The following SVEP1 variants were observed in gnomAD, a reference collection of about 807,000 sequenced individuals.
SVEP1 encodes sushi, von Willebrand factor type A, EGF and pentraxin domain-containing protein 1.
A neutral mutation model predicts 367.3 loss-of-function variants in SVEP1; 164 were observed. The ratio of observed to expected loss-of-function variants is 0.45; its 90% CI spans 0.39 to 0.51. The LOEUF (loss-of-function observed/expected upper bound fraction) is 0.51. SVEP1 is among the 20% of genes least tolerant of loss of function. The pLI is 0.00. For missense variants in SVEP1, 4,117 were observed against 4,425.3 expected, an observed-to-expected ratio of 0.93 and a Z score of 1.98; for synonymous variants, 1,666 against 1,611.6, an observed-to-expected ratio of 1.03 and a Z score of -0.81.
intron 18 of SVEP1, among the ~76,000 whole-genome samples, chr9:110,465,285 T>C (rs1828917172): frequency 6.7e-6 from 1 of 150,260 alleles, no homozygotes; most frequent in Non-Finnish European, 1.5e-5. Flanking sequence ...AATAATCACC[T>C]GGGGAAACTT....
chr9:110,479,872 T>C, intron 12 of SVEP1, 116 bp from the exon 13 acceptor site: 1 of 1,421,808 alleles, frequency 7.0e-7, no homozygotes, highest in Non-Finnish European at 9.5e-7. Flanking sequence ...GTGGGATTGT[T>C]ATAAAAACAA....
At chr9:110,488,713 A>G (rs1269143625) in intron 9 of SVEP1, among the ~76,000 whole-genome samples, 1 of 151,836 alleles carries the variant, frequency 6.6e-6, no homozygotes, top group East Asian at 1.9e-4. Context: ...AATTAAAAAA[A>G]AACAAAACAA....
intron 26 of SVEP1, among the ~76,000 whole-genome samples, chr9:110,444,827 G>A (rs964783757): frequency 6.6e-6 from 1 of 152,102 alleles, no homozygotes; most frequent in Non-Finnish European, 1.5e-5. Context: ...TCAAGGAGGC[G>A]ACAGATTCTC....
intron 3 of SVEP1, among the ~76,000 whole-genome samples, chr9:110,528,973 T>A (rs1829981179): frequency 6.6e-6 from 1 of 152,054 alleles, no homozygotes; most frequent in Admixed American, 6.6e-5. Flanking sequence ...GGACAGTTTT[T>A]CCTAGGTTTA....
chr9:110,506,693 T>G (rs368333063), intron 5 of SVEP1, among the ~76,000 whole-genome samples: 18 of 152,318 alleles, frequency 1.2e-4, no homozygotes, highest in African/African-American at 3.8e-4. Flanking sequence ...TGTCCTACAC[T>G]TCTTGTCCTC....
intron 40 of SVEP1, among the ~76,000 whole-genome samples, chr9:110,395,957 T>C (rs866331163): frequency 4.7e-3 from 680 of 145,864 alleles, no homozygotes; most frequent in African/African-American, 0.015. Flanking sequence ...GACAGAAAGT[T>C]AACAAGGATA....
chr9:110,442,378 G>T (rs966874372), intron 27 of SVEP1: 5 of 152,054 alleles, frequency 3.3e-5, no homozygotes, highest in Non-Finnish European at 5.9e-5. Flanking sequence ...ACATTCACAA[G>T]TAGATCAATT....
At chr9:110,557,051 C>T (rs1268132313) in intron 1 of SVEP1, among the ~76,000 whole-genome samples, 2 of 152,132 alleles carry the variant, frequency 1.3e-5, no homozygotes, top group Non-Finnish European at 2.9e-5. Context: ...TTTCACCACG[C>T]CTTGTCTGTT....
intron 2 of SVEP1, among the ~76,000 whole-genome samples, chr9:110,547,219 C>A (rs930732285): frequency 2.6e-5 from 4 of 152,258 alleles, no homozygotes; most frequent in African/African-American, 9.6e-5. Context: ...ACCAGTGCAA[C>A]CAGGTACCCT....
rs1330999409 is a variant in SVEP1, at chr9:110,549,936, T to C, written c.700A>G (p.Met234Val). The change falls in exon 2 of 48, where the codon ATG (methionine) becomes GTG (valine). Residue 234 changes from methionine (M) to valine (V), a missense_variant. Physicochemically the swap from Met to Val is conservative, Grantham distance 21. This residue lies in a region of SVEP1 where 2,174 missense variants were observed against 2,494.3 expected (regional missense o/e 0.87). Transcript: ENST00000374469. ...TGCTCCTCCTTTGGGGTGGAAGCCA[T>C]GTCATTCAGCTCTCGAATGTTCCCT... ...WQGNIRELND[M>V]ASTPKEEHCY... is the part of the protein sequence containing the mutation. 1.2e-5 allele frequency: 20 copies of C among 1,613,920 alleles called. No individual in the cohort carries two copies. Among genetic ancestry groups the C allele is most frequent in the Non-Finnish European group, 1.4e-5 (17 of 1,179,902 alleles).
In SVEP1 at chr9:110,395,367, AG is replaced by A. The variant is rs1184178028; in HGVS notation, c.9822+5486del. On this transcript the variant is annotated intron_variant, in intron 40 of 47. Transcript: ENST00000374469. ...CCTGAAGGAAGCACTAAACATGGAA[AG>A]GAACAACCAGTACCACCCACTGCAA... is the stretch of plus-strand genomic sequence containing the variant. Among the ~76,000 whole-genome samples the A allele has an allele frequency of 3.3e-5, 5 of 152,220 alleles. No homozygotes were observed. The East Asian group carries it at 9.6e-4, about 29-fold the overall frequency.
chr9:110,557,927 A>G (rs959398683), intron 1 of SVEP1, among the ~76,000 whole-genome samples: 1 of 152,200 alleles, frequency 6.6e-6, no homozygotes, highest in African/African-American at 2.4e-5. Flanking sequence ...GTTCTGTTAC[A>G]TACAGTAGCC....
intron 39 of SVEP1, among the ~76,000 whole-genome samples, chr9:110,402,295 T>C (rs1827876039): frequency 6.6e-6 from 1 of 152,194 alleles, no homozygotes. Context: ...AAGAGTTTTG[T>C]AACTCTGTGA....
rs766911462 is a variant in SVEP1 at position 110,406,141 on chromosome 9, C to T, written c.9440+19G>A. 1 of 1,537,402 alleles carries T rather than the reference C, an allele frequency of 6.5e-7. No homozygotes were observed. Among genetic ancestry groups the T allele is most frequent in the Admixed American group, 2.1e-5 (1 of 47,474 alleles). ...AATCCTGCCCGCACCCCTTGGAGAC[C>T]CTAGAGCCATGATCTTACCTGAGTT... On this transcript the variant is annotated intron_variant, in intron 38 of 47. Transcript: ENST00000374469.
chr9:110,377,433 T>C (rs7873506), intron 44 of SVEP1, 67 bp from the exon 45 acceptor site: 314,399 of 1,456,342 alleles, frequency 0.22, 35,379 homozygotes, highest in East Asian at 0.37. Flanking sequence ...GAAAATAGAA[T>C]TGCCCCTTTA....
At chr9:110,521,916 G>A (rs942257372) in intron 3 of SVEP1, among the ~76,000 whole-genome samples, 1 of 152,080 alleles carries the variant, frequency 6.6e-6, no homozygotes, top group Non-Finnish European at 1.5e-5. Context: ...CACTTAGGTT[G>A]ATTCTAATTT....
chr9:110,494,148 T>C lies in SVEP1; in HGVS notation c.1800+2667A>G, dbSNP rs981941082. On this transcript the variant is annotated intron_variant, in intron 8 of 47. Transcript: ENST00000374469. The stretch of plus-strand genomic sequence containing the variant: ...TTTCATCACATCTACAAAGTTCCTT[T>C]GCTATGTAAGGAAACATATTTGCAG... Among the ~76,000 whole-genome samples the C allele has an allele frequency of 2.7e-4, 41 of 152,234 alleles. 1 individual carries two copies. Among genetic ancestry groups the C allele is most frequent in the African/African-American group, 9.9e-4 (41 of 41,456 alleles).
At chr9:110,504,312 G>A (rs1588084216) in intron 5 of SVEP1, among the ~76,000 whole-genome samples, 2 of 151,664 alleles carry the variant, frequency 1.3e-5, no homozygotes, top group East Asian at 1.9e-4. Flanking sequence ...CGCCAGCCTC[G>A]GCCTCCCAAA....
chr9:110,404,512 ATGTATC>A lies in SVEP1; in HGVS notation c.9475_9480del (p.Asp3159_Thr3160del), dbSNP rs1296123987. The stretch of plus-strand genomic sequence containing the variant: ...CAGCGACCATCTTTCTGACAGGTGA[ATGTATC>A]TGTATCTGTATCCATCGTATAACCT... On this transcript the variant is annotated inframe_deletion, in exon 39 of 48. Coordinates refer to ENST00000374469, the MANE Select transcript of SVEP1 (RefSeq NM_153366.4). 1.3e-5 allele frequency: 21 copies of A among 1,613,780 alleles called. No individual in the cohort carries two copies. Among genetic ancestry groups the A allele is most frequent in the Non-Finnish European group, 1.7e-5 (20 of 1,179,848 alleles).
Sources: allele counts gnomAD v4.1 joint callset (sites outside exome capture counted in the v4.1 genomes callset), GRCh38; gene constraint gnomAD v4.1.1; regional missense constraint gnomAD v4.1.1; transcripts MANE v1.5; gene names NCBI Gene and HGNC (gene_info 2026-07-23, HGNC 2026-07-21).